ZNF804A: variants seen among roughly 807,000 people sequenced by gnomAD.
The protein encoded by ZNF804A is zinc finger protein 804A.
A neutral mutation model predicts 16.5 loss-of-function variants in ZNF804A; 2 were observed. The observed-to-expected ratio is 0.12, with a 90% CI of 0.05 to 0.38. ZNF804A has a LOEUF of 0.38. ZNF804A is among the 10% of genes least tolerant of loss of function. The pLI, the probability that ZNF804A is intolerant of heterozygous loss-of-function variation, is 0.99. For synonymous variants in ZNF804A, 534 were observed against 489.6 expected (o/e 1.09, Z -1.20); for missense variants, 1,473 against 1,390.7 (o/e 1.06, Z -0.94).
chr2:184,866,607 T>G, intron 2 of ZNF804A, 95 bp downstream of exon 2: 1 of 1,073,152 alleles, frequency 9.3e-7, no homozygotes, highest in East Asian at 3.0e-5. Context: ...TATTCTTATT[T>G]AATTTAATTT....
chr2:184,679,547 G>C (rs1396573585), intron 1 of ZNF804A, among the ~76,000 whole-genome samples: 3 of 152,286 alleles, frequency 2.0e-5, no homozygotes, highest in South Asian at 4.1e-4. Flanking sequence ...GGAAACCTCT[G>C]CCTCCACAGG....
In ZNF804A at chr2:184,918,475, C is replaced by T. The variant is rs77724485; in HGVS notation, c.256-15128C>T. ...CTCTTGATTCCTGGGCTGATGAATC[C>T]TGGCTGTAAGGAAAACATCATCATA... On this transcript the variant is annotated intron_variant, in intron 2 of 3. Transcript: ENST00000302277. Among the ~76,000 whole-genome samples the T allele has an allele frequency of 4.0e-3, 613 of 152,088 alleles. 11 individuals are homozygous for T. Among genetic ancestry groups the T allele is most frequent in the East Asian group, 0.038 (197 of 5,156 alleles).
intron 1 of ZNF804A, among the ~76,000 whole-genome samples, chr2:184,609,878 G>A (rs931906556): frequency 5.3e-5 from 8 of 152,144 alleles, no homozygotes; most frequent in Admixed American, 3.3e-4. Flanking sequence ...CCCCTCAGAC[G>A]GGAAACACCT....
chr2:184,891,355 C>T (rs16826274), intron 2 of ZNF804A, among the ~76,000 whole-genome samples: 5,986 of 152,208 alleles, frequency 0.039, 381 homozygotes, highest in African/African-American at 0.13. Context: ...AGAGTATCTT[C>T]TTCAGACAGT....
intron 1 of ZNF804A, among the ~76,000 whole-genome samples, chr2:184,815,955 C>T (rs1694976396): frequency 6.6e-6 from 1 of 151,940 alleles, no homozygotes; most frequent in African/African-American, 2.4e-5. Context: ...TACATATAAA[C>T]ACCAAGTGCC....
At chr2:184,920,387 A>G (rs1685512083) in intron 2 of ZNF804A, among the ~76,000 whole-genome samples, 1 of 152,158 alleles carries the variant, frequency 6.6e-6, no homozygotes, top group Non-Finnish European at 1.5e-5. Context: ...ATTCTGAATG[A>G]TCTCTCTGTC....
intron 1 of ZNF804A, among the ~76,000 whole-genome samples, chr2:184,691,812 C>G (rs1692735093): frequency 6.6e-6 from 1 of 151,584 alleles, no homozygotes; most frequent in African/African-American, 2.4e-5. Context: ...ATACTTTATA[C>G]TATATATTTC....
intron 1 of ZNF804A, among the ~76,000 whole-genome samples, chr2:184,810,219 C>T (rs1694869980): frequency 6.6e-6 from 1 of 152,252 alleles, no homozygotes; most frequent in South Asian, 2.1e-4. Flanking sequence ...ACTATATGGT[C>T]TCCAAAGACT....
At chr2:184,807,392 A>T (rs1694823780) in intron 1 of ZNF804A, among the ~76,000 whole-genome samples, 1 of 151,872 alleles carries the variant, frequency 6.6e-6, no homozygotes, top group Non-Finnish European at 1.5e-5. Flanking sequence ...GTGAAGGGAT[A>T]GATGTGAAGG....
intron 1 of ZNF804A, among the ~76,000 whole-genome samples, chr2:184,747,530 G>A (rs917343867): frequency 6.6e-6 from 1 of 150,808 alleles, no homozygotes; most frequent in African/African-American, 2.4e-5. Context: ...CATAAATAAT[G>A]TTCTTCTACT....
At chr2:184,608,564 C>A (rs1303525085) in intron 1 of ZNF804A, among the ~76,000 whole-genome samples, 1 of 152,158 alleles carries the variant, frequency 6.6e-6, no homozygotes, top group Admixed American at 6.5e-5. Flanking sequence ...TATTGTTAAG[C>A]TCCATCACAG....
At chr2:184,841,475 A>G (rs72905739) in intron 1 of ZNF804A, among the ~76,000 whole-genome samples, 7,675 of 152,188 alleles carry the variant, frequency 0.05, 256 homozygotes, top group Middle Eastern at 0.078. Flanking sequence ...GTGGCATGAC[A>G]CATTATATTC....
At chr2:184,656,761 CACAT>C (rs1692081510) in intron 1 of ZNF804A, among the ~76,000 whole-genome samples, 1 of 151,450 alleles carries the variant, frequency 6.6e-6, no homozygotes, top group Non-Finnish European at 1.5e-5. Context: ...TATATATATA[CACAT>C]ACATACATAA....
chr2:184,899,358 T>C (rs1473708303), intron 2 of ZNF804A, among the ~76,000 whole-genome samples: 3 of 152,022 alleles, frequency 2.0e-5, no homozygotes, highest in Non-Finnish European at 4.4e-5. Context: ...CCAAAATGTA[T>C]TTTTAATAGG....
At chr2:184,935,724 G>T in intron 3 of ZNF804A, 59 bp from the exon 4 acceptor site, 1 of 1,480,326 alleles carries the variant, frequency 6.8e-7, no homozygotes, top group Non-Finnish European at 9.0e-7. Context: ...GAAAATATTT[G>T]ACTATTTTTT....
intron 1 of ZNF804A, among the ~76,000 whole-genome samples, chr2:184,663,272 C>T (rs1379915922): frequency 6.6e-6 from 1 of 152,218 alleles, no homozygotes; most frequent in East Asian, 1.9e-4. Flanking sequence ...TCCCTGCTCA[C>T]TGCACCCACT....
chr2:184,836,158 C>T (rs1695342813), intron 1 of ZNF804A, among the ~76,000 whole-genome samples: 2 of 152,092 alleles, frequency 1.3e-5, no homozygotes, highest in Admixed American at 6.6e-5. Context: ...GTGCTTGGCA[C>T]ATGGTAGTTG....
chr2:184,883,197 C>T (rs893729606), intron 2 of ZNF804A, among the ~76,000 whole-genome samples: 3 of 152,040 alleles, frequency 2.0e-5, no homozygotes, highest in Non-Finnish European at 4.4e-5. Flanking sequence ...AATGCCTAAA[C>T]ACATACAACC....
chr2:184,876,457 A>G (rs1297025589), intron 2 of ZNF804A, among the ~76,000 whole-genome samples: 1 of 152,164 alleles, frequency 6.6e-6, no homozygotes. Context: ...AGCCATTTAG[A>G]ACATTGTTCT....
Sources: gnomAD v4.1 joint callset for allele counts (sites outside exome capture counted in the v4.1 genomes callset) on GRCh38, gnomAD v4.1.1 for gene constraint, MANE v1.5 for transcripts, NCBI Gene and HGNC (gene_info 2026-07-23, HGNC 2026-07-21) for gene names.